The following NECTIN4 variants were observed in gnomAD, a reference collection of about 807,000 sequenced individuals.
NECTIN4 encodes nectin-4.
NECTIN4 carries 19 observed loss-of-function variants against 51.7 expected under a neutral mutation model. The observed-to-expected ratio is 0.37, with a 90% CI of 0.26 to 0.54. The LOEUF (loss-of-function observed/expected upper bound fraction) is 0.54. Among genes scored for constraint, NECTIN4 ranks in the 20% least tolerant of loss-of-function variants. The pLI is 0.86. For missense variants in NECTIN4, 619 were observed against 662.4 expected (o/e 0.93, Z 0.72); for synonymous variants, 283 against 286.9 (o/e 0.99, Z 0.14).
At chr1:161,081,729 T>G (rs1404913644) in intron 1 of NECTIN4, among the ~76,000 whole-genome samples, 1 of 152,012 alleles carries the variant, frequency 6.6e-6, no homozygotes, top group Non-Finnish European at 1.5e-5. Context: ...AATGCCCTCC[T>G]CCCTATATCT....
intron 1 of NECTIN4, among the ~76,000 whole-genome samples, chr1:161,083,222 G>A (rs1333189437): frequency 6.6e-6 from 1 of 152,164 alleles, no homozygotes; most frequent in African/African-American, 2.4e-5. Flanking sequence ...CCACTACTTA[G>A]TAGGAACATC....
intron 2 of NECTIN4, 140 bp from the exon 3 acceptor site, chr1:161,077,883 G>A: frequency 1.3e-6 from 1 of 776,886 alleles, no homozygotes; most frequent in Non-Finnish European, 2.0e-6. Context: ...GCAGATGAAT[G>A]GTAGAAATTC....
At position 161,077,538 on chromosome 1, in the gene NECTIN4, G is replaced by A. The variant is rs548676122; in HGVS notation, c.645C>T (p.Ser215=). The A allele has an allele frequency of 5.0e-6, 8 of 1,614,064 alleles. No homozygotes were observed. Among genetic ancestry groups the A allele is most frequent in the Non-Finnish European group, 6.8e-6 (8 of 1,180,024 alleles). ...CACAAGTCAGTGGCTGCCCATTCAT[G>A]CTGCGGCTAGGCACCAAGTGGAACT... ...TSEFHLVPSR[S]MNGQPLTCVV... The change falls in exon 3 of 9, where the codon AGC becomes AGT. Residue 215 remains serine (S), a synonymous_variant. Transcript: ENST00000368012.
At position 161,073,297 on chromosome 1, in the gene NECTIN4, C is replaced by T. The variant is rs77119066; in HGVS notation, c.1236G>A (p.Pro412=). The T allele has an allele frequency of 5.1e-4, 816 of 1,613,874 alleles. 2 individuals are homozygous for T. In the African/African-American group the frequency reaches 8.3e-3, roughly 16 times the overall value. Residue 412 remains proline, a splice_region_variant and synonymous_variant, in exon 8 of 9, where the codon CCG becomes CCA. Coordinates refer to ENST00000368012, the MANE Select transcript of NECTIN4 (RefSeq NM_030916.3). The part of the protein sequence containing the change: ...HSHHTDPRSQ[P]EESVGLRAEG... The stretch of plus-strand genomic sequence containing the variant: ...CGGCTCTCAGCCCTACACTCTCCTC[C>T]GGCTGCAGGGCCCAGACACGGGGCA...
intron 1 of NECTIN4, among the ~76,000 whole-genome samples, chr1:161,083,397 C>T (rs1350413767): frequency 6.6e-6 from 1 of 152,168 alleles, no homozygotes; most frequent in African/African-American, 2.4e-5. Flanking sequence ...TCCTCCTTCT[C>T]TCCTCCACCC....
At position 161,076,356 on chromosome 1, in the gene NECTIN4, G is replaced by A. The variant is rs375484596; in HGVS notation, c.850C>T (p.Arg284Trp). 1.6e-5 allele frequency: 26 copies of A among 1,613,980 alleles called. No individual in the cohort carries two copies. The highest frequency in any genetic ancestry group is 7.7e-5 in the South Asian group (7 of 91,080). The change falls in exon 4 of 9, where the codon CGG becomes TGG. Residue 284 changes from arginine (R) to tryptophan (W), a missense_variant and splice_region_variant. Coordinates refer to ENST00000368012, the MANE Select transcript of NECTIN4 (RefSeq NM_030916.3). ...GQPPPSYNWT[R>W]LDGPLPSGVR... is the part of the protein sequence containing the mutation. ...CCTTCCTCAGGCTCGGGCCCTTACC[G>A]TGTCCAGTTGTATGAGGGAGGGGGC...
At position 161,079,798 on chromosome 1, in the gene NECTIN4, C is replaced by G. The variant is rs746660240; in HGVS notation, c.231G>C (p.Gln77His). Reference protein sequence around the residue: ...WARVDAGEGAQELALLHSKYG... With the variant: ...WARVDAGEGAHELALLHSKYG... ...ATTTGGAGTGCAGTAGCGCTAGTTCCTGGGCGCCTTCGCCCGCGTCCACCC... is the reference window on the plus strand; with the variant it reads ...ATTTGGAGTGCAGTAGCGCTAGTTCGTGGGCGCCTTCGCCCGCGTCCACCC... The change falls in exon 2 of 9, where the codon CAG becomes CAC. Residue 77 changes from glutamine to histidine, a missense_variant. Physicochemically the swap from Gln to His is conservative, Grantham distance 24 (BLOSUM62 0). This residue lies in a region of NECTIN4 where 218 missense variants were observed against 186.3 expected (regional missense o/e 1.17). Transcript: ENST00000368012. 1.2e-6 allele frequency: 2 copies of G among 1,613,462 alleles called. No homozygotes were observed. The highest frequency in any genetic ancestry group is 2.2e-5 in the South Asian group (2 of 91,092).
Position 161,082,030 on chromosome 1 carries a change from G to A in NECTIN4, c.80-2081C>T, listed in dbSNP as rs183346389. ...TAAATGAGAGAGACAGAAGGAAAGT[G>A]TAGAATGAGGAGGAACAGGCTGGGC... On this transcript the variant is annotated intron_variant, in intron 1 of 8. Transcript: ENST00000368012. Among the ~76,000 whole-genome samples, 380 of 152,230 alleles carry A rather than the reference G, an allele frequency of 2.5e-3. 1 individual carries two copies. The highest frequency in any genetic ancestry group is 4.6e-3 in the Non-Finnish European group (316 of 68,006).
At chr1:161,073,124 G>T (rs1250727048) in intron 8 of NECTIN4, 101 bp downstream of exon 8, 1 of 1,093,090 alleles carries the variant, frequency 9.1e-7, no homozygotes, top group East Asian at 2.4e-5. Flanking sequence ...CAGGGCTAAG[G>T]AAAGAGGGAC....
In NECTIN4 at chr1:161,072,764, C is replaced by A. The variant is rs779852933; in HGVS notation, c.1430G>T (p.Gly477Val). ...AAAATGGTTCATGGCCTGTTTGATG[C>A]CTTCATCCTGATCTTCCTCCTCCTC... ...RAEEEEDQDEGIKQAMNHFVQ... is the reference protein window; with the variant it reads ...RAEEEEDQDEVIKQAMNHFVQ... The change falls in exon 9 of 9, where the codon GGC becomes GTC. Residue 477 changes from glycine (G) to valine (V), a missense_variant. By Grantham distance (109) the Gly-to-Val change is moderately radical. Around this residue, in one of 3 missense-constraint regions of NECTIN4, gnomAD observed 364 missense variants for 415.7 expected, o/e 0.88. Transcript: ENST00000368012. 1.2e-6 allele frequency: 2 copies of A among 1,614,094 alleles called. No individual in the cohort carries two copies. The highest frequency in any genetic ancestry group is 1.3e-5 in the African/African-American group (1 of 74,948).
intron 1 of NECTIN4, among the ~76,000 whole-genome samples, chr1:161,082,430 T>C (rs987898909): frequency 6.6e-6 from 1 of 151,898 alleles, no homozygotes; most frequent in African/African-American, 2.4e-5. Context: ...GGCTAGCTAA[T>C]TGGGTTCACT....
chr1:161,078,877 T>G (rs1050810154), intron 2 of NECTIN4, among the ~76,000 whole-genome samples: 1 of 151,684 alleles, frequency 6.6e-6, no homozygotes, highest in South Asian at 2.1e-4. Context: ...CTGGGCGTGG[T>G]GGTGGGCGCC....
chr1:161,087,204 A>G (rs1653987879), intron 1 of NECTIN4: 1 of 152,182 alleles, frequency 6.6e-6, no homozygotes, highest in Admixed American at 6.5e-5. Context: ...TGGGGGTGGT[A>G]GTGGAGGTAG....
rs1653578064 is a variant in NECTIN4 at position 161,079,651 on chromosome 1, C to T, written c.378G>A (p.Glu126=). The T allele has an allele frequency of 6.2e-6, 10 of 1,605,976 alleles. No individual in the cohort carries two copies. In the East Asian group the frequency reaches 1.6e-4, roughly 25 times the overall value. The change falls in exon 2 of 9, where the codon GAG becomes GAA. Residue 126 remains glutamate (E), a synonymous_variant. Transcript: ENST00000368012. ...CGGCGGGGAAGGTGCTGACCCGGCA[C>T]TCGTACTCGCCCTCATCCGCCTGCA... The part of the protein sequence containing the change: ...NAVQADEGEY[E]CRVSTFPAGS...
intron 1 of NECTIN4, among the ~76,000 whole-genome samples, chr1:161,086,665 T>C (rs1556258): frequency 0.99 from 151,284 of 152,248 alleles, 75,168 homozygotes; most frequent in East Asian, 1. Flanking sequence ...GGGAGGAGAC[T>C]TCACCCGGAA....
chr1:161,077,525 G>A lies in NECTIN4; in HGVS notation c.658C>T (p.Pro220Ser). Residue 220 changes from proline (P) to serine (S), a missense_variant, in exon 3 of 9, where the codon CCA becomes TCA. Physicochemically the swap from Pro to Ser is moderately conservative, Grantham distance 74. Transcript: ENST00000368012. The stretch of plus-strand genomic sequence containing the variant: ...GGATGGGACACCACACAAGTCAGTG[G>A]CTGCCCATTCATGCTGCGGCTAGGC... The part of the protein sequence containing the change: ...LVPSRSMNGQ[P>S]LTCVVSHPGL... 1 of 1,614,108 alleles carries A rather than the reference G, an allele frequency of 6.2e-7. No individual in the cohort carries two copies. Among genetic ancestry groups the A allele is most frequent in the South Asian group, 1.1e-5 (1 of 91,082 alleles).
chr1:161,076,322 C>G lies in NECTIN4; in HGVS notation c.851+33G>C, dbSNP rs371803246. The G allele has an allele frequency of 1.9e-6, 3 of 1,613,404 alleles. No homozygotes were observed. The African/African-American group carries it at 4.0e-5, about 22-fold the overall frequency. Reference sequence around the variant, plus strand: ...CCCTGAGAGGGGAGGAACCTAGTCTCAAGTTAGGCCTTCCTCAGGCTCGGG... The same window carrying G: ...CCCTGAGAGGGGAGGAACCTAGTCTGAAGTTAGGCCTTCCTCAGGCTCGGG... On this transcript the variant is annotated intron_variant, in intron 4 of 8. Transcript: ENST00000368012.
At chr1:161,074,048 T>C (rs1020297410) in intron 6 of NECTIN4, among the ~76,000 whole-genome samples, 169 bp downstream of exon 6, 1 of 152,170 alleles carries the variant, frequency 6.6e-6, no homozygotes, top group Non-Finnish European at 1.5e-5. Flanking sequence ...GCTCCATCTG[T>C]GCTCCAGACC....
At chr1:161,088,060 G>A (rs1054420084) in intron 1 of NECTIN4, among the ~76,000 whole-genome samples, 5 of 152,182 alleles carry the variant, frequency 3.3e-5, no homozygotes, top group African/African-American at 1.2e-4. Context: ...ACTGTGAGGG[G>A]ATGGCAGGGG....
Sources: gnomAD v4.1 joint callset for allele counts (sites outside exome capture counted in the v4.1 genomes callset) on GRCh38, gnomAD v4.1.1 for gene constraint, gnomAD v4.1.1 regional missense constraint, MANE v1.5 for transcripts, NCBI Gene and HGNC (gene_info 2026-07-23, HGNC 2026-07-21) for gene names.